AKAP13: variants seen among roughly 807,000 people sequenced by gnomAD.
AKAP13 encodes the protein A-kinase anchoring protein 13, also known as A-kinase anchor protein 13.
Under a neutral mutation model 264.5 loss-of-function variants are expected in AKAP13, and 80 were observed. That is an observed-to-expected ratio of 0.30 (90% confidence interval 0.25 to 0.36). The LOEUF (loss-of-function observed/expected upper bound fraction) is 0.36, where lower values mean the gene tolerates loss of function less well. Among genes scored for constraint, AKAP13 ranks in the 10% least tolerant of loss-of-function variants. AKAP13 has a pLI of 1.00. For synonymous variants in AKAP13, 1,380 were observed against 1,250.2 expected (o/e 1.10, Z -2.19); for missense variants, 3,712 against 3,435.2 (o/e 1.08, Z -2.01).
chr15:85,530,650 G>C (rs1175522793), intron 3 of AKAP13, among the ~76,000 whole-genome samples: 2 of 152,110 alleles, frequency 1.3e-5, no homozygotes, highest in African/African-American at 4.8e-5. Flanking sequence ...AGGACTTTCA[G>C]AAGTTTACAG....
rs2087078172 is a variant in AKAP13 at position 85,718,341 on chromosome 15, C to G, written c.6001+182C>G. ...GGTATCCTATCTCCTTTTTGCCCCA[C>G]TCTTCTGTTTTCAGTTCTACTGAAC... On this transcript the variant is annotated intron_variant, in intron 22 of 36. Transcript: ENST00000394518. The surrounding 1 kb of genome is among the most constrained non-coding windows in gnomAD (Gnocchi z 4.9). 6.6e-6 allele frequency among the ~76,000 whole-genome samples: 1 copy of G among 152,154 alleles called. No homozygotes were observed. Among genetic ancestry groups the G allele is most frequent in the Non-Finnish European group, 1.5e-5 (1 of 68,020 alleles).
chr15:85,594,541 C>T (rs1381186350), intron 8 of AKAP13, among the ~76,000 whole-genome samples: 4 of 152,088 alleles, frequency 2.6e-5, no homozygotes, highest in South Asian at 2.1e-4. Flanking sequence ...TAGGCTTGGG[C>T]GTAGCCATTA....
chr15:85,530,931 G>C (rs1046349660), intron 3 of AKAP13, among the ~76,000 whole-genome samples: 1 of 152,162 alleles, frequency 6.6e-6, no homozygotes, highest in Non-Finnish European at 1.5e-5. Flanking sequence ...CTAGAGTCCA[G>C]TGGCATGATC....
chr15:85,544,215 C>G (rs1032830534), intron 5 of AKAP13: 1 of 587,616 alleles, frequency 1.7e-6, no homozygotes. Flanking sequence ...TTATATTTTA[C>G]TATTTTACTC....
chr15:85,484,443 G>A (rs2075462540), intron 1 of AKAP13, among the ~76,000 whole-genome samples: 1 of 152,172 alleles, frequency 6.6e-6, no homozygotes, highest in African/African-American at 2.4e-5. Flanking sequence ...AGCGCATGGG[G>A]TGGACCAGAG....
At chr15:85,737,035 C>T (rs1400111760) in intron 33 of AKAP13, among the ~76,000 whole-genome samples, 1 of 150,686 alleles carries the variant, frequency 6.6e-6, no homozygotes, top group Non-Finnish European at 1.5e-5. Flanking sequence ...TCCCCTGCCT[C>T]AGCCTCCCGA....
intron 8 of AKAP13, among the ~76,000 whole-genome samples, chr15:85,592,310 C>CTT (rs1335599260): frequency 6.6e-6 from 1 of 152,076 alleles, no homozygotes; most frequent in African/African-American, 2.4e-5. Context: ...TGGTTGAAAG[C>CTT]TTTTGTATTG....
At chr15:85,453,900 C>T (rs952196917) in intron 1 of AKAP13, among the ~76,000 whole-genome samples, 2 of 152,160 alleles carry the variant, frequency 1.3e-5, no homozygotes, top group African/African-American at 4.8e-5. Flanking sequence ...ACAGCCTGGC[C>T]ACGTTTGGGT....
At chr15:85,453,315 A>G (rs1326300611) in intron 1 of AKAP13, among the ~76,000 whole-genome samples, 1 of 151,010 alleles carries the variant, frequency 6.6e-6, no homozygotes, top group Non-Finnish European at 1.5e-5. Flanking sequence ...GGCTTGGAGG[A>G]CCTGCCCTGT....
Position 85,580,357 on chromosome 15 carries a change from T to C in AKAP13, c.2289T>C (p.His763=). 1 of 1,614,196 alleles carries C rather than the reference T, an allele frequency of 6.2e-7. No homozygotes were observed. Among genetic ancestry groups the C allele is most frequent in the South Asian group, 1.1e-5 (1 of 91,078 alleles). ...TGCTTGAGGTGGTTTCACATCCACA[T>C]CCAGTTGTCCCTAAAATGGAGAAAG... ...TNMLEVVSHP[H]PVVPKMEKEL... is the part of the protein sequence containing the mutation. The change falls in exon 7 of 37, where the codon CAT becomes CAC. Residue 763 remains histidine (H), a synonymous_variant. Coordinates refer to ENST00000394518, the MANE Select transcript of AKAP13 (RefSeq NM_007200.5).
chr15:85,383,295 A>G (rs1375842890), intron 1 of AKAP13, among the ~76,000 whole-genome samples: 20 of 152,132 alleles, frequency 1.3e-4, no homozygotes, highest in Non-Finnish European at 2.5e-4. Context: ...ACCCTTTGGA[A>G]CTAGGTAGCG....
chr15:85,646,041 C>A, intron 10 of AKAP13, 87 bp downstream of exon 10: 1 of 1,513,110 alleles, frequency 6.6e-7, no homozygotes, highest in South Asian at 1.3e-5. Flanking sequence ...ACTTTTTCCC[C>A]CTCTTGTGCT....
intron 1 of AKAP13, among the ~76,000 whole-genome samples, chr15:85,421,619 CT>C (rs199986687): frequency 2.6e-5 from 4 of 151,890 alleles, no homozygotes; most frequent in African/African-American, 4.8e-5. Context: ...AACTTTGTAT[CT>C]TTTTTTTTCT....
intron 8 of AKAP13, among the ~76,000 whole-genome samples, chr15:85,602,266 C>T (rs529345945): frequency 5.8e-4 from 88 of 150,482 alleles, no homozygotes; most frequent in East Asian, 3.6e-3. Flanking sequence ...ACCTCTACCA[C>T]CCAGGTTCAA....
At chr15:85,715,952 G>T in intron 20 of AKAP13, 29 bp downstream of exon 20, 1 of 1,596,502 alleles carries the variant, frequency 6.3e-7, no homozygotes. Context: ...AGATAGCACA[G>T]TTGGCATCTA....
At chr15:85,419,176 A>G (rs2072394600) in intron 1 of AKAP13, among the ~76,000 whole-genome samples, 1 of 152,212 alleles carries the variant, frequency 6.6e-6, no homozygotes, top group African/African-American at 2.4e-5. Flanking sequence ...TCATATCATC[A>G]TAGGATTTGT....
At chr15:85,537,045 G>A (rs2077425152) in intron 4 of AKAP13, 1 of 152,334 alleles carries the variant, frequency 6.6e-6, no homozygotes, top group South Asian at 2.1e-4. Context: ...GCATGCAAGT[G>A]ACTTGATAGA....
At chr15:85,725,094 T>C (rs896982175) in intron 26 of AKAP13, among the ~76,000 whole-genome samples, 2 of 152,202 alleles carry the variant, frequency 1.3e-5, no homozygotes, top group African/African-American at 4.8e-5. Context: ...TTCCTTTACA[T>C]AGCAATTTAT....
intron 29 of AKAP13, among the ~76,000 whole-genome samples, chr15:85,729,051 A>G (rs2087793411): frequency 6.6e-6 from 1 of 152,176 alleles, no homozygotes; most frequent in Non-Finnish European, 1.5e-5. Flanking sequence ...CTGTAATCCC[A>G]GCACTTTGGG....
Sources: gnomAD v4.1 joint callset for allele counts (sites outside exome capture counted in the v4.1 genomes callset) on GRCh38, gnomAD v4.1.1 for gene constraint, Gnocchi (gnomAD v3.1) non-coding constraint, MANE v1.5 for transcripts, NCBI Gene and HGNC (gene_info 2026-07-23, HGNC 2026-07-21) for gene names.